Variants in LRMDA observed in about 807,000 individuals in gnomAD.
LRMDA encodes leucine-rich melanocyte differentiation-associated protein.
In LRMDA, 18 loss-of-function variants were observed where a neutral mutation model predicts 29.8. The ratio of observed to expected loss-of-function variants is 0.60; its 90% CI spans 0.42 to 0.90. The LOEUF is 0.90. Ranked by LOEUF, LRMDA falls within the 40% of genes least tolerant of loss-of-function variation. LRMDA has a pLI of 0.00. For synonymous variants in LRMDA, 125 were observed against 109.4 expected (o/e 1.14, Z -0.89); for missense variants, 273 against 273.9 (o/e 1.00, Z 0.02).
At chr10:76,212,629 T>A (rs1251030832) in intron 5 of LRMDA, among the ~76,000 whole-genome samples, 1 of 152,236 alleles carries the variant, frequency 6.6e-6, no homozygotes, top group Non-Finnish European at 1.5e-5. Context: ...TTCATGTTTT[T>A]ATCAGCCTTT....
At chr10:75,578,019 A>G (rs1346611163) in intron 2 of LRMDA, among the ~76,000 whole-genome samples, 3 of 151,976 alleles carry the variant, frequency 2.0e-5, no homozygotes, top group African/African-American at 7.2e-5. Context: ...TAATGGCAGG[A>G]TCAGTTTCAC....
chr10:75,681,039 A>G (rs1589155886), intron 2 of LRMDA, among the ~76,000 whole-genome samples: 1 of 152,122 alleles, frequency 6.6e-6, no homozygotes, highest in Admixed American at 6.5e-5. Flanking sequence ...ACCACTATAG[A>G]TTTATCATAG....
chr10:76,302,365 G>A (rs1009995079), intron 5 of LRMDA, among the ~76,000 whole-genome samples: 1 of 152,150 alleles, frequency 6.6e-6, no homozygotes, highest in Admixed American at 6.5e-5. Context: ...ATCTTCCCTG[G>A]GGGGTGGTAA....
chr10:76,434,876 T>C (rs953183411), intron 6 of LRMDA, among the ~76,000 whole-genome samples: 2 of 152,094 alleles, frequency 1.3e-5, no homozygotes, highest in Non-Finnish European at 2.9e-5. Context: ...GGCTTTTGAG[T>C]TGTATTCATT....
chr10:76,427,776 C>T (rs1242228361), intron 6 of LRMDA, among the ~76,000 whole-genome samples: 1 of 152,094 alleles, frequency 6.6e-6, no homozygotes, highest in Non-Finnish European at 1.5e-5. Flanking sequence ...GAGATAAGTC[C>T]CATCAATACC....
intron 6 of LRMDA, among the ~76,000 whole-genome samples, chr10:76,373,559 T>C (rs976927023): frequency 1.3e-5 from 2 of 152,102 alleles, no homozygotes; most frequent in African/African-American, 4.8e-5. Flanking sequence ...CAAGATATTG[T>C]TATCTCCTGT....
rs115134292 is a variant in LRMDA, at chr10:75,538,731, T to C, written c.131+100237T>C. 3.8e-3 allele frequency among the ~76,000 whole-genome samples: 579 copies of C among 152,284 alleles called. 2 individuals are homozygous for C. Among genetic ancestry groups the C allele is most frequent in the African/African-American group, 0.013 (554 of 41,548 alleles). The stretch of plus-strand genomic sequence containing the variant: ...GGTCTGTGTGATTTCAACAAGCAAG[T>C]ATTAGGAAAAGGCTGGCAGAGAGAC... On this transcript the variant is annotated intron_variant, in intron 2 of 6. Transcript: ENST00000611255.
intron 4 of LRMDA, among the ~76,000 whole-genome samples, chr10:76,056,042 A>G (rs1281242021): frequency 6.6e-6 from 1 of 152,262 alleles, no homozygotes; most frequent in East Asian, 1.9e-4. Flanking sequence ...AGAATGAAGC[A>G]TGCACACAAT....
chr10:76,502,474 T>C (rs566999492), intron 6 of LRMDA, among the ~76,000 whole-genome samples: 133 of 152,060 alleles, frequency 8.7e-4, no homozygotes, highest in Middle Eastern at 3.4e-3. Flanking sequence ...TTATATTGCT[T>C]CTTCTAATCC....
chr10:75,934,380 G>A (rs1846253002), intron 2 of LRMDA, among the ~76,000 whole-genome samples: 2 of 152,138 alleles, frequency 1.3e-5, no homozygotes, highest in Non-Finnish European at 1.5e-5. Flanking sequence ...TGCCTTGGGT[G>A]TCTTTATGGG....
At chr10:75,509,159 T>G (rs1255397311) in intron 2 of LRMDA, among the ~76,000 whole-genome samples, 1 of 152,214 alleles carries the variant, frequency 6.6e-6, no homozygotes, top group African/African-American at 2.4e-5. Context: ...GGCTGCTGTT[T>G]GTTGGCCCTC....
chr10:75,967,939 C>T (rs1289396369), intron 2 of LRMDA, among the ~76,000 whole-genome samples: 2 of 152,116 alleles, frequency 1.3e-5, no homozygotes, highest in African/African-American at 4.8e-5. Context: ...CCATTTAAGA[C>T]CCCCTTCCAC....
chr10:76,237,358 G>A (rs1196097540), intron 5 of LRMDA, among the ~76,000 whole-genome samples: 1 of 152,124 alleles, frequency 6.6e-6, no homozygotes, highest in Non-Finnish European at 1.5e-5. Flanking sequence ...TTCTATAGGT[G>A]TACAAGGCTT....
chr10:75,610,333 C>CTCCCACA (rs565834586), intron 2 of LRMDA, among the ~76,000 whole-genome samples: 37 of 151,608 alleles, frequency 2.4e-4, no homozygotes, highest in Admixed American at 9.2e-4. Context: ...CACACCACAC[C>CTCCCACA]TCCCACATCC....
intron 5 of LRMDA, among the ~76,000 whole-genome samples, chr10:76,227,089 C>T (rs1330647414): frequency 6.6e-6 from 1 of 152,176 alleles, no homozygotes; most frequent in Non-Finnish European, 1.5e-5. Context: ...GTGAATTCCC[C>T]ATGCCTGTTT....
intron 2 of LRMDA, among the ~76,000 whole-genome samples, chr10:75,726,350 A>G (rs973614713): frequency 5.3e-5 from 8 of 152,218 alleles, no homozygotes; most frequent in African/African-American, 1.7e-4. Flanking sequence ...ATGTTTACAC[A>G]TAATGCTCTC....
intron 2 of LRMDA, among the ~76,000 whole-genome samples, chr10:75,900,294 C>T (rs552790371): frequency 7.2e-5 from 11 of 152,134 alleles, no homozygotes; most frequent in Admixed American, 2.6e-4. Context: ...CTAACTTGGT[C>T]GTAAAACTGT....
chr10:76,208,541 A>G lies in LRMDA; in HGVS notation c.517-115860A>G, dbSNP rs143372741. Among the ~76,000 whole-genome samples, 1,282 of 152,258 alleles carry G rather than the reference A, an allele frequency of 8.4e-3. 22 individuals are homozygous for G. The highest frequency in any genetic ancestry group is 0.029 in the African/African-American group (1,214 of 41,546). ...GCAACCTGACTGGGGCTAAGAAGGG[A>G]CAGATTCTACCCCAGAGCCTGGTCC... On this transcript the variant is annotated intron_variant, in intron 5 of 6. Coordinates refer to ENST00000611255, the MANE Select transcript of LRMDA (RefSeq NM_001305581.2).
intron 5 of LRMDA, among the ~76,000 whole-genome samples, chr10:76,239,906 TA>T (rs562806926): frequency 8.6e-4 from 131 of 152,154 alleles, no homozygotes; most frequent in Non-Finnish European, 1.6e-3. Context: ...CATTACATTT[TA>T]TGTATATATA....
Sources: allele counts gnomAD v4.1 joint callset (sites outside exome capture counted in the v4.1 genomes callset), GRCh38; gene constraint gnomAD v4.1.1; transcripts MANE v1.5; gene names NCBI Gene and HGNC (gene_info 2026-07-23, HGNC 2026-07-21).